ROBO2: variants seen among roughly 807,000 people sequenced by gnomAD.
The protein encoded by ROBO2 is roundabout guidance receptor 2.
A neutral mutation model predicts 160.8 loss-of-function variants in ROBO2; 53 were observed. The ratio of observed to expected loss-of-function variants is 0.33; its 90% CI spans 0.26 to 0.41. ROBO2 has a LOEUF of 0.41. ROBO2 is among the 10% of genes least tolerant of loss of function. The pLI, the probability that ROBO2 is intolerant of heterozygous loss-of-function variation, is 1.00. For missense variants in ROBO2, 1,577 were observed against 1,722.4 expected (o/e 0.92, Z 1.49); for synonymous variants, 664 against 611.7 (o/e 1.09, Z -1.26).
intron 2 of ROBO2, among the ~76,000 whole-genome samples, chr3:76,622,226 G>GAAAGAAAGAAAGAAAGAAAGAAA (rs1560251683): frequency 3.7e-5 from 2 of 54,304 alleles, no homozygotes; most frequent in African/African-American, 1.7e-4. Context: ...AAGGAAGGAA[G>GAAAGAAAGAAAGAAAGAAAGAAA]GAAGGAAGGA....
At chr3:76,474,793 C>T (rs1480857320) in intron 2 of ROBO2, among the ~76,000 whole-genome samples, 1 of 152,116 alleles carries the variant, frequency 6.6e-6, no homozygotes, top group Non-Finnish European at 1.5e-5. Flanking sequence ...ATCAGCTGGG[C>T]TCACTCTTGC....
chr3:76,625,179 C>T (rs964157028), intron 2 of ROBO2, among the ~76,000 whole-genome samples: 2 of 152,008 alleles, frequency 1.3e-5, no homozygotes, highest in Non-Finnish European at 2.9e-5. Context: ...AATAAAATTC[C>T]CTGTTATATA....
chr3:77,257,957 AC>A (rs1352889631), intron 2 of ROBO2, among the ~76,000 whole-genome samples: 3 of 152,240 alleles, frequency 2.0e-5, no homozygotes, highest in African/African-American at 7.2e-5. Flanking sequence ...TGCCATTTAA[AC>A]CTTTTTTAGC....
chr3:76,074,554 T>G (rs1378734899), intron 2 of ROBO2, among the ~76,000 whole-genome samples: 1 of 152,170 alleles, frequency 6.6e-6, no homozygotes, highest in Admixed American at 6.5e-5. Flanking sequence ...CATATCTTCT[T>G]TCTTAATATC....
At chr3:76,246,195 A>G (rs1005734885) in intron 2 of ROBO2, among the ~76,000 whole-genome samples, 2 of 152,014 alleles carry the variant, frequency 1.3e-5, no homozygotes, top group African/African-American at 4.8e-5. Flanking sequence ...TATTTCCTGC[A>G]TATCATCTCA....
chr3:76,177,168 A>G (rs1463594224), intron 2 of ROBO2, among the ~76,000 whole-genome samples: 1 of 152,186 alleles, frequency 6.6e-6, no homozygotes, highest in African/African-American at 2.4e-5. Context: ...ACACATCTCA[A>G]AAGCTCTATG....
At chr3:77,558,670 C>A (rs1398608500) in intron 9 of ROBO2, among the ~76,000 whole-genome samples, 3 of 151,962 alleles carry the variant, frequency 2.0e-5, no homozygotes, top group Admixed American at 1.3e-4. Context: ...ATGGAAAGAA[C>A]AAGGCATTGG....
intron 2 of ROBO2, among the ~76,000 whole-genome samples, chr3:77,001,742 T>G (rs1448291343): frequency 6.6e-6 from 1 of 152,274 alleles, no homozygotes; most frequent in African/African-American, 2.4e-5. Context: ...ATGAACATCC[T>G]TCTAATCCTT....
chr3:76,635,732 C>T (rs940525343), intron 2 of ROBO2, among the ~76,000 whole-genome samples: 1 of 152,204 alleles, frequency 6.6e-6, no homozygotes, highest in South Asian at 2.1e-4. Flanking sequence ...CACTTCCTCA[C>T]GAGCTCAAAA....
intron 17 of ROBO2, 86 bp downstream of exon 18, chr3:77,589,019 G>C: frequency 1.3e-6 from 2 of 1,499,082 alleles, no homozygotes; most frequent in Non-Finnish European, 1.9e-6. Context: ...AATAACAAAT[G>C]AGTGATTTGG....
At chr3:76,775,083 T>G (rs2108540177) in intron 2 of ROBO2, among the ~76,000 whole-genome samples, 1 of 150,858 alleles carries the variant, frequency 6.6e-6, no homozygotes, top group South Asian at 2.1e-4. Flanking sequence ...TCTAAAAACT[T>G]ATTTTTCTAA....
At chr3:77,018,822 A>G (rs2062443103) in intron 2 of ROBO2, among the ~76,000 whole-genome samples, 1 of 152,192 alleles carries the variant, frequency 6.6e-6, no homozygotes, top group East Asian at 1.9e-4. Flanking sequence ...ATTTATAGAG[A>G]CCGAAACCAG....
chr3:76,916,940 C>T (rs1422881700), intron 2 of ROBO2, among the ~76,000 whole-genome samples: 3 of 151,962 alleles, frequency 2.0e-5, no homozygotes, highest in African/African-American at 7.2e-5. Flanking sequence ...AACAGAGAAA[C>T]TTCTAGTTGA....
intron 2 of ROBO2, among the ~76,000 whole-genome samples, chr3:76,125,457 C>T (rs188280073): frequency 5.1e-4 from 77 of 152,248 alleles, no homozygotes; most frequent in African/African-American, 1.8e-3. Context: ...ATTTACATTC[C>T]CACCAGCAGT....
chr3:76,598,833 A>T (rs1481112947), intron 2 of ROBO2, among the ~76,000 whole-genome samples: 2 of 152,182 alleles, frequency 1.3e-5, no homozygotes, highest in Non-Finnish European at 2.9e-5. Flanking sequence ...ATTAATTTTC[A>T]ATTCTTCAAA....
intron 2 of ROBO2, among the ~76,000 whole-genome samples, chr3:77,434,206 A>G (rs2079066955): frequency 6.6e-6 from 1 of 151,970 alleles, no homozygotes; most frequent in Non-Finnish European, 1.5e-5. Context: ...CTTTGAATAC[A>G]TTGCTTCCTT....
intron 2 of ROBO2, among the ~76,000 whole-genome samples, chr3:76,367,790 GTA>G (rs1258634573): frequency 2.0e-5 from 3 of 151,982 alleles, no homozygotes; most frequent in Non-Finnish European, 4.4e-5. Flanking sequence ...TTTAGAAGAT[GTA>G]ACCAGGTTTC....
rs2065621139 is a variant in ROBO2, at chr3:76,815,829, T to C, written c.110-282185T>C. Among the ~76,000 whole-genome samples, 3 of 152,102 alleles carry C rather than the reference T, an allele frequency of 2.0e-5. No individual in the cohort carries two copies. The South Asian group carries it at 6.2e-4, about 31-fold the overall frequency. ...CCATTGTTCCCTTTCCTCACTCATA[T>C]TTAGTAATTACTTTCTCCTCAAGGC... On this transcript the variant is annotated intron_variant, in intron 2 of 26. Transcript: ENST00000487694.
intron 2 of ROBO2, among the ~76,000 whole-genome samples, chr3:76,012,316 T>G (rs2066215815): frequency 6.6e-6 from 1 of 152,228 alleles, no homozygotes; most frequent in Non-Finnish European, 1.5e-5. Context: ...CAAAATGATA[T>G]TTAAAGGAAA....
Sources: allele counts gnomAD v4.1 joint callset (sites outside exome capture counted in the v4.1 genomes callset), GRCh38; gene constraint gnomAD v4.1.1; transcripts MANE v1.5; gene names NCBI Gene and HGNC (gene_info 2026-07-23, HGNC 2026-07-21).